The following ORC4 variants were observed in gnomAD, a reference collection of about 807,000 sequenced individuals.
ORC4 encodes the protein origin recognition complex subunit 4, also known as origin recognition complex, subunit 4 homolog.
In ORC4, 55 loss-of-function variants were observed where a neutral mutation model predicts 63.9. The ratio of observed to expected loss-of-function variants is 0.86; its 90% confidence interval spans 0.69 to 1.08. The LOEUF (loss-of-function observed/expected upper bound fraction) is 1.08, where lower values mean the gene tolerates loss of function less well. Among genes scored for constraint, ORC4 ranks in the 50% least tolerant of loss-of-function variants. The pLI is 0.00. For synonymous variants in ORC4, 150 were observed against 168.5 expected (o/e 0.89, Z 0.85); for missense variants, 511 against 504.4 (o/e 1.01, Z -0.13).
intron 4 of ORC4, among the ~76,000 whole-genome samples, chr2:147,965,624 G>A (rs944280274): frequency 6.6e-6 from 1 of 151,974 alleles, no homozygotes; most frequent in African/African-American, 2.4e-5. Context: ...AAAATAATAG[G>A]AACTTCAACA....
At chr2:147,972,232 T>C (rs1690254384) in intron 4 of ORC4, among the ~76,000 whole-genome samples, 2 of 152,064 alleles carry the variant, frequency 1.3e-5, no homozygotes, top group South Asian at 4.1e-4. Flanking sequence ...GATGTGAGCA[T>C]GCACTGAAAA....
At chr2:148,003,211 G>A (rs1692423481) in intron 1 of ORC4, among the ~76,000 whole-genome samples, 1 of 152,158 alleles carries the variant, frequency 6.6e-6, no homozygotes, top group South Asian at 2.1e-4. Context: ...CATTCCTTCT[G>A]AAACTATTCC....
intron 1 of ORC4, among the ~76,000 whole-genome samples, chr2:147,984,533 G>T (rs899399500): frequency 6.6e-6 from 1 of 152,032 alleles, no homozygotes; most frequent in Non-Finnish European, 1.5e-5. Flanking sequence ...TGGTAGGGAG[G>T]GGGTGTTTCG....
At chr2:147,964,508 G>A (rs1689786146) in intron 4 of ORC4, among the ~76,000 whole-genome samples, 1 of 152,050 alleles carries the variant, frequency 6.6e-6, no homozygotes, top group Non-Finnish European at 1.5e-5. Context: ...GAAGGAAAAG[G>A]TGAGAAAAAC....
intron 1 of ORC4, among the ~76,000 whole-genome samples, chr2:147,999,768 G>T (rs2105429474): frequency 6.6e-6 from 1 of 152,184 alleles, no homozygotes; most frequent in Middle Eastern, 3.4e-3. Flanking sequence ...GCTTTCTAAT[G>T]AATCTAACAT....
intron 10 of ORC4, among the ~76,000 whole-genome samples, chr2:147,940,733 T>A (rs1688322788): frequency 6.6e-6 from 1 of 152,074 alleles, no homozygotes; most frequent in Admixed American, 6.6e-5. Flanking sequence ...CTGGAGACTA[T>A]TATTCTAAGT....
chr2:147,931,404 C>G lies in ORC4; in HGVS notation c.*4106G>C, dbSNP rs934792411. 6.6e-6 allele frequency: 1 copy of G among 151,948 alleles called. No homozygotes were observed. Among genetic ancestry groups the G allele is most frequent in the Non-Finnish European group, 1.5e-5 (1 of 67,984 alleles). The allele number at this position is 151,948 out of a possible 1,614,324, so 9.4% of individuals were successfully genotyped here. A position where few individuals can be genotyped will look rare whatever the true frequency, so the allele number is the denominator to read the frequency against. On this transcript the variant is annotated 3_prime_UTR_variant, in exon 14 of 14. Transcript: ENST00000392857. ...GGATGGCTGGGTCAAATGGTGTTTC[C>G]AGTTCTAGATCCCTGAGGAATCGCC...
Position 147,958,784 on chromosome 2 carries a change from T to A in ORC4, c.301+7A>T, listed in dbSNP as rs1293169254. The A allele has an allele frequency of 5.9e-6, 8 of 1,348,506 alleles. No homozygotes were observed. The East Asian group carries it at 1.8e-4, about 31-fold the overall frequency. 83.5% of individuals were successfully genotyped at this position (1,348,506 alleles called of 1,614,324 possible). A position where few individuals can be genotyped will look rare whatever the true frequency, so the allele number is the denominator to read the frequency against. ...AATCTCCAATGGCAAAATAATGGCA[T>A]ACTTACCATTTAAGTGAACTTGTAA... On this transcript the variant is annotated splice_region_variant and intron_variant, in intron 5 of 13. Coordinates refer to ENST00000392857, the MANE Select transcript of ORC4 (RefSeq NM_181741.4).
At chr2:147,966,053 A>C (rs552321284) in intron 4 of ORC4, among the ~76,000 whole-genome samples, 3 of 152,272 alleles carry the variant, frequency 2.0e-5, no homozygotes, top group Admixed American at 1.3e-4. Flanking sequence ...TTTTTTTAAA[A>C]AGTAATAATA....
At chr2:148,011,520 T>A (rs761708120) in intron 1 of ORC4, among the ~76,000 whole-genome samples, 24 of 152,136 alleles carry the variant, frequency 1.6e-4, no homozygotes, top group Admixed American at 1.3e-4. Context: ...AGTATCAGAC[T>A]GAATGGGGGA....
intron 7 of ORC4, among the ~76,000 whole-genome samples, 178 bp downstream of exon 7, chr2:147,955,169 C>T (rs1335744086): frequency 6.6e-6 from 1 of 151,226 alleles, no homozygotes; most frequent in African/African-American, 2.4e-5. Context: ...AAACCAAATG[C>T]TAATTGAGAT....
At chr2:148,010,233 T>C (rs1692873590) in intron 1 of ORC4, among the ~76,000 whole-genome samples, 1 of 150,858 alleles carries the variant, frequency 6.6e-6, no homozygotes, top group African/African-American at 2.4e-5. Flanking sequence ...AATGTGCAAA[T>C]CAAAAAGTAG....
chr2:147,972,609 A>G (rs1484089209), intron 4 of ORC4, 130 bp downstream of exon 4: 8 of 501,480 alleles, frequency 1.6e-5, no homozygotes, highest in Non-Finnish European at 2.7e-5. Context: ...ACAAAAAAGT[A>G]AAACATTACA....
intron 1 of ORC4, among the ~76,000 whole-genome samples, chr2:148,006,138 C>T (rs1692614421): frequency 6.6e-6 from 1 of 152,152 alleles, no homozygotes; most frequent in Admixed American, 6.5e-5. Flanking sequence ...CAACCCCAGG[C>T]AGCACAGCAC....
At chr2:148,000,656 A>T (rs1210715603) in intron 1 of ORC4, among the ~76,000 whole-genome samples, 4 of 152,144 alleles carry the variant, frequency 2.6e-5, no homozygotes, top group Non-Finnish European at 5.9e-5. Flanking sequence ...CAACTATATC[A>T]AGCAATGGGC....
rs989157592 is a variant in ORC4, at chr2:147,958,917, T to C, written c.226-51A>G. 7 of 784,836 alleles carry C rather than the reference T, an allele frequency of 8.9e-6. No individual in the cohort carries two copies. The Admixed American group carries it at 1.0e-4, about 11-fold the overall frequency. The allele number at this position is 784,836 out of a possible 1,614,324, so 48.6% of individuals were successfully genotyped here. A position where few individuals can be genotyped will look rare whatever the true frequency, so the allele number is the denominator to read the frequency against. ...ATAATAGGTAAAAGATAAAAATAAG[T>C]CCATATTCGTTTTTAAACTACAAGC... On this transcript the variant is annotated intron_variant, in intron 4 of 13. Transcript: ENST00000392857.
intron 1 of ORC4, among the ~76,000 whole-genome samples, chr2:147,993,950 C>T (rs554565152): frequency 4.8e-4 from 73 of 152,142 alleles, no homozygotes; most frequent in African/African-American, 1.7e-3. Context: ...TGATTATGCA[C>T]GTAGAAAATC....
At chr2:147,944,337 T>C (rs1688537745) in intron 9 of ORC4, among the ~76,000 whole-genome samples, 1 of 151,828 alleles carries the variant, frequency 6.6e-6, no homozygotes, top group South Asian at 2.1e-4. Context: ...AACTAAGAAA[T>C]TAAGAAAGAT....
At position 147,945,478 on chromosome 2, in the gene ORC4, CTATT is replaced by C. The variant is rs534161802; in HGVS notation, c.763-1960_763-1957del. Among the ~76,000 whole-genome samples, 85 of 152,182 alleles carry C rather than the reference CTATT, an allele frequency of 5.6e-4. 1 individual carries two copies. Among genetic ancestry groups the C allele is most frequent in the South Asian group, 2.1e-3 (10 of 4,826 alleles). On this transcript the variant is annotated intron_variant, in intron 9 of 13. Transcript: ENST00000392857. ...TCCATCTTGATTCAAACACTATACT[CTATT>C]TGAGGATAAGGCTATTATCAACAAC...
Sources: allele counts gnomAD v4.1 joint callset (sites outside exome capture counted in the v4.1 genomes callset), GRCh38; gene constraint gnomAD v4.1.1; transcripts MANE v1.5; gene names NCBI Gene and HGNC (gene_info 2026-07-23, HGNC 2026-07-21).